FAM118B: variants seen among roughly 807,000 people sequenced by gnomAD.
FAM118B encodes the protein SIR2 antiphage like 1.
FAM118B carries 24 observed loss-of-function variants against 38.5 expected under a neutral mutation model. That is an observed-to-expected ratio of 0.62 (90% CI 0.45 to 0.88). FAM118B has a LOEUF of 0.88. Ranked by LOEUF, FAM118B falls within the 40% of genes least tolerant of loss-of-function variation. The probability of loss-of-function intolerance (pLI) is 0.00; values close to 1 mark genes in which losing one functional copy is unlikely to be tolerated. For missense variants in FAM118B, 334 were observed against 420.0 expected (o/e 0.80, Z 1.79); for synonymous variants, 138 against 156.3 (o/e 0.88, Z 0.87).
intron 5 of FAM118B, 86 bp from the exon 6 acceptor site, chr11:126,254,219 T>G: frequency 6.7e-7 from 1 of 1,482,384 alleles, no homozygotes; most frequent in Non-Finnish European, 9.1e-7. Flanking sequence ...AGAAGTCTAG[T>G]CCTCAAAACA....
At position 126,262,356 on chromosome 11, in the gene FAM118B, A is replaced by C. The variant is rs931040658; in HGVS notation, c.*223A>C. 8.7e-6 allele frequency: 5 copies of C among 573,164 alleles called. No homozygotes were observed. The highest frequency in any genetic ancestry group is 2.9e-5 in the East Asian group (1 of 34,072). 35.5% of individuals were successfully genotyped at this position (573,164 alleles called of 1,614,324 possible). Reference sequence around the variant, plus strand: ...GTTCAAGTTCAAGAATAAAAGCGACAGCAGGACCCAAATGCAGCTCCCAAC... The same window carrying C: ...GTTCAAGTTCAAGAATAAAAGCGACCGCAGGACCCAAATGCAGCTCCCAAC... On this transcript the variant is annotated 3_prime_UTR_variant, in exon 9 of 9. Transcript: ENST00000533050.
At chr11:126,216,965 C>T (rs1394763891) in intron 1 of FAM118B, among the ~76,000 whole-genome samples, 1 of 152,242 alleles carries the variant, frequency 6.6e-6, no homozygotes, top group African/African-American at 2.4e-5. Flanking sequence ...CAGGCGCCAG[C>T]CCTGGACAGG....
intron 3 of FAM118B, among the ~76,000 whole-genome samples, chr11:126,239,351 A>G (rs942170282): frequency 8.5e-5 from 13 of 152,210 alleles, no homozygotes; most frequent in Non-Finnish European, 1.9e-4. Context: ...ATGAAAAGTA[A>G]AAAGTCCTTA....
intron 1 of FAM118B, among the ~76,000 whole-genome samples, chr11:126,218,055 G>A (rs1248517287): frequency 1.3e-5 from 2 of 152,102 alleles, no homozygotes; most frequent in South Asian, 2.1e-4. Context: ...TCTCACAGAC[G>A]GTTTTGATTC....
Position 126,262,118 on chromosome 11 carries a change from A to G in FAM118B, c.1043-2A>G. The G allele has an allele frequency of 1.2e-6, 2 of 1,614,090 alleles. No individual in the cohort carries two copies. Among genetic ancestry groups the G allele is most frequent in the Non-Finnish European group, 1.7e-6 (2 of 1,179,992 alleles). Reference sequence around the variant, plus strand: ...TTTGTTCTCTTTTCTTTCTCCCTACAGGCTGTAGTACATGAGCGAGCTAGA... The same window carrying G: ...TTTGTTCTCTTTTCTTTCTCCCTACGGGCTGTAGTACATGAGCGAGCTAGA... On this transcript the variant is annotated splice_acceptor_variant, in intron 8 of 8. Transcript: ENST00000533050. LOFTEE classifies it high-confidence loss of function.
At chr11:126,243,063 A>C (rs891772687) in intron 4 of FAM118B, among the ~76,000 whole-genome samples, 1 of 152,254 alleles carries the variant, frequency 6.6e-6, no homozygotes, top group African/African-American at 2.4e-5. Context: ...AACAACATGG[A>C]TGAACCTTGA....
chr11:126,220,506 G>A (rs1000737955), intron 1 of FAM118B, among the ~76,000 whole-genome samples: 2 of 152,058 alleles, frequency 1.3e-5, no homozygotes, highest in African/African-American at 2.4e-5. Flanking sequence ...ACAAGGCCAG[G>A]AGTTCAAGAT....
intron 7 of FAM118B, chr11:126,261,053 C>G (rs1950684519): frequency 5.8e-6 from 1 of 171,956 alleles, no homozygotes; most frequent in African/African-American, 2.4e-5. Flanking sequence ...TTTGAAGTTG[C>G]TCACTCACAT....
chr11:126,262,018 T>G (rs1591534589), intron 8 of FAM118B, 102 bp from the exon 9 acceptor site: 6 of 1,070,920 alleles, frequency 5.6e-6, no homozygotes, highest in African/African-American at 3.2e-5. Context: ...ATCTCCTGTC[T>G]TGCCTTCTGA....
intron 3 of FAM118B, among the ~76,000 whole-genome samples, chr11:126,240,225 G>A (rs1018979549): frequency 2.0e-5 from 3 of 151,156 alleles, no homozygotes; most frequent in African/African-American, 7.3e-5. Flanking sequence ...TCTTTATTTA[G>A]GTATGTAGGG....
intron 1 of FAM118B, among the ~76,000 whole-genome samples, chr11:126,223,926 C>T (rs986197714): frequency 6.6e-6 from 1 of 152,216 alleles, no homozygotes; most frequent in African/African-American, 2.4e-5. Context: ...AAATGATAGT[C>T]TGAATATTGA....
Position 126,250,778 on chromosome 11 carries a change from A to G in FAM118B, c.567+45A>G. The G allele has an allele frequency of 1.4e-6, 2 of 1,436,096 alleles. No individual in the cohort carries two copies. The highest frequency in any genetic ancestry group is 1.9e-6 in the Non-Finnish European group (2 of 1,039,230). 89.0% of individuals were successfully genotyped at this position (1,436,096 alleles called of 1,614,324 possible). A position where few individuals can be genotyped will look rare whatever the true frequency, so the allele number is the denominator to read the frequency against. The stretch of plus-strand genomic sequence containing the variant: ...TCCCTTCTTCAGGCTAGTGGATTTT[A>G]TCTTCCTCAGAAAAGCTCTTTTCTA... On this transcript the variant is annotated intron_variant, in intron 5 of 8. Transcript: ENST00000533050. This position sits in a 1 kb window ranked among gnomAD's most constrained non-coding sequence, Gnocchi z 5.1.
In FAM118B at chr11:126,254,329, C is replaced by T. The variant is rs146352217; in HGVS notation, c.592C>T (p.Arg198Cys). Reference protein sequence around the residue: ...KKVLEWAQEKRKLSVLHIHGV... With the variant: ...KKVLEWAQEKCKLSVLHIHGV... ...GGTCCTCGAGTGGGCTCAGGAGAAG[C>T]GTAAGCTGAGCGTGTTGCATATTCA... The change falls in exon 6 of 9, where the codon CGT becomes TGT. Residue 198 changes from arginine (R) to cysteine (C), a missense_variant. By Grantham distance (180) the Arg-to-Cys change is radical. Around this residue, in one of 3 missense-constraint regions of FAM118B, gnomAD observed 240 missense variants for 295.9 expected, o/e 0.81. Coordinates refer to ENST00000533050, the MANE Select transcript of FAM118B (RefSeq NM_024556.4). 5.6e-6 allele frequency: 9 copies of T among 1,613,964 alleles called. No homozygotes were observed. Among genetic ancestry groups the T allele is most frequent in the South Asian group, 1.1e-5 (1 of 91,082 alleles).
chr11:126,224,350 G>A (rs1322963982), intron 1 of FAM118B, among the ~76,000 whole-genome samples: 3 of 151,828 alleles, frequency 2.0e-5, no homozygotes, highest in Non-Finnish European at 4.4e-5. Context: ...GCATGCACCT[G>A]TAGCACCTGT....
In FAM118B at chr11:126,256,537, A is replaced by T. The variant is rs11220427; in HGVS notation, c.697-30A>T. On this transcript the variant is annotated intron_variant, in intron 6 of 8. Transcript: ENST00000533050. This position sits in a 1 kb window ranked among gnomAD's most constrained non-coding sequence, Gnocchi z 6.6. ...GACTTGCCTTGAGTGTGTCTTCACA[A>T]TGTCAATATGTTGTATCTTTTCCTT... 3 of 1,603,608 alleles carry T rather than the reference A, an allele frequency of 1.9e-6. No individual in the cohort carries two copies. In the East Asian group the frequency reaches 6.7e-5, roughly 36 times the overall value.
At chr11:126,240,690 C>A in intron 3 of FAM118B, 102 bp from the exon 4 acceptor site, 2 of 1,233,626 alleles carry the variant, frequency 1.6e-6, no homozygotes, top group Non-Finnish European at 2.2e-6. Context: ...TTCTTTGCAA[C>A]TATAAAAGTT....
intron 1 of FAM118B, among the ~76,000 whole-genome samples, chr11:126,221,094 G>A (rs1950057589): frequency 2.0e-5 from 3 of 152,204 alleles, no homozygotes; most frequent in Admixed American, 2.0e-4. Flanking sequence ...GCCTGAGGCA[G>A]GAGAATAGCT....
rs1014351708 is a variant in FAM118B, at chr11:126,247,535, G to A, written c.340-2971G>A. On this transcript the variant is annotated intron_variant, in intron 4 of 8. Transcript: ENST00000533050. ...GATTGTATACCCAGGCCTTTTTATC[G>A]GTGTGTGTAATAATAAAACTGGTGT... Among the ~76,000 whole-genome samples the A allele has an allele frequency of 4.0e-5, 6 of 151,848 alleles. No individual in the cohort carries two copies. In the South Asian group the frequency reaches 6.2e-4, roughly 16 times the overall value.
intron 1 of FAM118B, among the ~76,000 whole-genome samples, chr11:126,227,203 C>T (rs1950155045): frequency 6.6e-6 from 1 of 151,732 alleles, no homozygotes; most frequent in African/African-American, 2.4e-5. Context: ...GCTGGGACTA[C>T]AGGCACCCAC....
Sources: allele counts gnomAD v4.1 joint callset (sites outside exome capture counted in the v4.1 genomes callset), GRCh38; gene constraint gnomAD v4.1.1; regional missense constraint gnomAD v4.1.1; non-coding constraint Gnocchi (gnomAD v3.1); transcripts MANE v1.5; gene names NCBI Gene and HGNC (gene_info 2026-07-23, HGNC 2026-07-21).